Variants in SLC25A3 observed in about 807,000 individuals in gnomAD.
The protein encoded by SLC25A3 is phosphate transport protein.
A neutral mutation model predicts 37.1 loss-of-function variants in SLC25A3; 14 were observed. That is an observed-to-expected ratio of 0.38 (90% CI 0.25 to 0.59). SLC25A3 has a LOEUF of 0.59. Ranked by LOEUF, SLC25A3 falls within the 20% of genes least tolerant of loss-of-function variation. SLC25A3 has a pLI of 0.67. For missense variants in SLC25A3, 385 were observed against 458.1 expected, an observed-to-expected ratio of 0.84 and a Z score of 1.46; for synonymous variants, 161 against 168.7, an observed-to-expected ratio of 0.95 and a Z score of 0.36.
rs1303974154 is a variant in SLC25A3, at chr12:98,598,880, A to G, written c.641+177A>G. ...AAGCTCCGCCTCCCGGGTTCACGCC[A>G]TTCTCCTGCCTCAGCCTCCCAAGTA... On this transcript the variant is annotated intron_variant, in intron 5 of 7. Coordinates refer to ENST00000552981, the MANE Select transcript of SLC25A3 (RefSeq NM_002635.4). 2.0e-5 allele frequency among the ~76,000 whole-genome samples: 3 copies of G among 150,552 alleles called. No individual in the cohort carries two copies. In the Admixed American group the frequency reaches 2.0e-4, roughly 10 times the overall value.
At chr12:98,595,405 C>A in intron 2 of SLC25A3, 1 of 1,610,384 alleles carries the variant, frequency 6.2e-7, no homozygotes, top group Non-Finnish European at 8.5e-7. Flanking sequence ...GAAATACTTA[C>A]TTGATTTTTT....
chr12:98,599,874 T>G (rs771343358), intron 5 of SLC25A3, 81 bp from the exon 6 acceptor site: 3 of 1,456,066 alleles, frequency 2.1e-6, no homozygotes, highest in Non-Finnish European at 1.9e-6. Context: ...TCGACTCGTG[T>G]GCGGACATTT....
chr12:98,601,858 A>G lies in SLC25A3; in HGVS notation c.*330A>G, dbSNP rs2097598195. On this transcript the variant is annotated 3_prime_UTR_variant, in exon 8 of 8. Transcript: ENST00000552981. ...TTCCAGTTGCTATTCAGAAATTGTC[A>G]TATGTCTCAAGTTTTATCACACAAA... 2 of 259,446 alleles carry G rather than the reference A, an allele frequency of 7.7e-6. No individual in the cohort carries two copies. The highest frequency in any genetic ancestry group is 2.0e-4 in the East Asian group (2 of 10,230). The allele number at this position is 259,446 out of a possible 1,614,324, so 16.1% of individuals were successfully genotyped here. A position where few individuals can be genotyped will look rare whatever the true frequency, so the allele number is the denominator to read the frequency against.
At chr12:98,594,171 C>G in intron 2 of SLC25A3, 36 bp downstream of exon 2, 11 of 1,546,752 alleles carry the variant, frequency 7.1e-6, no homozygotes, top group Non-Finnish European at 9.7e-6. Flanking sequence ...GTCGTGTGGT[C>G]TACTTGTGGG....
At chr12:98,594,190 C>T in intron 2 of SLC25A3, 55 bp downstream of exon 2, 1 of 1,421,130 alleles carries the variant, frequency 7.0e-7, no homozygotes, top group South Asian at 1.2e-5. Flanking sequence ...GGCCGCCCAG[C>T]CTTTGAGGCC....
chr12:98,604,496 C>CTTTTTTTT lies in SLC25A3; in HGVS notation c.*2975_*2982dup, dbSNP rs10714083. On this transcript the variant is annotated 3_prime_UTR_variant, in exon 8 of 8. Coordinates refer to ENST00000552981, the MANE Select transcript of SLC25A3 (RefSeq NM_002635.4). ...GTGAAAGTTTTATGAAATGTTTTGA[C>CTTTTTTTT]TTTTTTTTTTTTTTCCCTAGAGAAC... 2.1e-5 allele frequency: 3 copies of CTTTTTTTT among 144,042 alleles called. No homozygotes were observed. The East Asian group carries it at 6.1e-4, about 29-fold the overall frequency. The allele number at this position is 144,042 out of a possible 1,614,324, so 8.9% of individuals were successfully genotyped here.
chr12:98,594,250 T>G, intron 2 of SLC25A3, 115 bp downstream of exon 2: 1 of 896,810 alleles, frequency 1.1e-6, no homozygotes, highest in Non-Finnish European at 1.8e-6. Flanking sequence ...CGCTGCACCG[T>G]AGGACGGCGC....
chr12:98,601,124 GT>G (rs1565832170), intron 6 of SLC25A3, 46 bp from the exon 7 acceptor site: 3 of 1,598,158 alleles, frequency 1.9e-6, no homozygotes, highest in Admixed American at 1.7e-5. Context: ...GCTCTGTGAA[GT>G]TTTGTTTTTA....
At chr12:98,598,365 G>A in intron 4 of SLC25A3, 157 bp from the exon 5 acceptor site, 1 of 1,124,432 alleles carries the variant, frequency 8.9e-7, no homozygotes, top group Non-Finnish European at 1.3e-6. Flanking sequence ...ATAGTTACGT[G>A]TTTTGTTAAT....
chr12:98,601,786 GTT>G lies in SLC25A3; in HGVS notation c.*259_*260del. The stretch of plus-strand genomic sequence containing the variant: ...TAGTTGGAAAGAATGAAGTATATAA[GTT>G]AAGGAAAAAATACAAAACTGACCAT... On this transcript the variant is annotated 3_prime_UTR_variant, in exon 8 of 8. Transcript: ENST00000552981. 2.3e-6 allele frequency: 1 copy of G among 433,304 alleles called. No homozygotes were observed. The highest frequency in any genetic ancestry group is 4.2e-6 in the Non-Finnish European group (1 of 239,368). The allele number at this position is 433,304 out of a possible 1,614,324, so 26.8% of individuals were successfully genotyped here.
Position 98,597,878 on chromosome 12 carries a change from G to C in SLC25A3, c.302G>C (p.Gly101Ala). 6.2e-7 allele frequency: 1 copy of C among 1,613,876 alleles called. No individual in the cohort carries two copies. The highest frequency in any genetic ancestry group is 8.5e-7 in the Non-Finnish European group (1 of 1,179,834). ...RMQVDPQKYKGIFNGFSVTLK... is the reference protein window; with the variant it reads ...RMQVDPQKYKAIFNGFSVTLK... Reference sequence around the variant, plus strand: ...AAGGTGGACCCCCAAAAGTACAAGGGCATATTTAACGGATTCTCAGTTACA... The same window carrying C: ...AAGGTGGACCCCCAAAAGTACAAGGCCATATTTAACGGATTCTCAGTTACA... Residue 101 changes from glycine to alanine, a missense_variant, in exon 4 of 8, where the codon GGC (glycine) becomes GCC (alanine). Gly to Ala is a moderately conservative substitution (Grantham distance 60). This residue lies in a region of SLC25A3 where 276 missense variants were observed against 367.6 expected (regional missense o/e 0.75). Coordinates refer to ENST00000552981, the MANE Select transcript of SLC25A3 (RefSeq NM_002635.4).
chr12:98,601,678 T>A lies in SLC25A3; in HGVS notation c.*150T>A. 1 of 656,306 alleles carries A rather than the reference T, an allele frequency of 1.5e-6. No homozygotes were observed. The highest frequency in any genetic ancestry group is 2.7e-6 in the Non-Finnish European group (1 of 365,848). 40.7% of individuals were successfully genotyped at this position (656,306 alleles called of 1,614,324 possible). On this transcript the variant is annotated 3_prime_UTR_variant, in exon 8 of 8. Transcript: ENST00000552981. ...CTTGCTTAAGGCAAGAGTTTCAGAT[T>A]TACTGTTGAAATAAACCCAACTCTT...
rs2097598933 is a variant in SLC25A3 at position 98,602,852 on chromosome 12, A to C, written c.*1324A>C. On this transcript the variant is annotated 3_prime_UTR_variant, in exon 8 of 8. Transcript: ENST00000552981. ...AGCGTACAGATGGCCTGGAGAGAAAAACTTTTTCAGAGATTGGAGAGAAAT... is the reference window on the plus strand; with the variant it reads ...AGCGTACAGATGGCCTGGAGAGAAACACTTTTTCAGAGATTGGAGAGAAAT... 6.6e-6 allele frequency: 1 copy of C among 152,226 alleles called. No individual in the cohort carries two copies. The highest frequency in any genetic ancestry group is 1.5e-5 in the Non-Finnish European group (1 of 68,056). 9.4% of individuals were successfully genotyped at this position (152,226 alleles called of 1,614,324 possible). A position where few individuals can be genotyped will look rare whatever the true frequency, so the allele number is the denominator to read the frequency against.
intron 3 of SLC25A3, 27 bp from the exon 4 acceptor site, chr12:98,597,829 A>T: frequency 6.5e-7 from 1 of 1,530,954 alleles, no homozygotes; most frequent in Non-Finnish European, 9.0e-7. Flanking sequence ...GGTGCATTTA[A>T]TTTTTTTTTT....
rs2097599230 is a variant in SLC25A3, at chr12:98,603,281, A to G, written c.*1753A>G. On this transcript the variant is annotated 3_prime_UTR_variant, in exon 8 of 8. Transcript: ENST00000552981. ...GATGCTCTTTGTGCTTTTCACTATT[A>G]GTGGTATAGTCTTTCCCGAAAATCT... 1 of 152,186 alleles carries G rather than the reference A, an allele frequency of 6.6e-6. No individual in the cohort carries two copies. Among genetic ancestry groups the G allele is most frequent in the Admixed American group, 6.5e-5 (1 of 15,278 alleles). The allele number at this position is 152,186 out of a possible 1,614,324, so 9.4% of individuals were successfully genotyped here.
Position 98,601,719 on chromosome 12 carries a change from A to G in SLC25A3, c.*191A>G, listed in dbSNP as rs1377406961. The G allele has an allele frequency of 3.4e-6, 2 of 591,448 alleles. No homozygotes were observed. Among genetic ancestry groups the G allele is most frequent in the Non-Finnish European group, 6.0e-6 (2 of 334,318 alleles). 36.6% of individuals were successfully genotyped at this position (591,448 alleles called of 1,614,324 possible). ...CCCAACTCTTCATGATTTGCCTGTGACTTATTTTTAAAACTTTTTTAAAAA... is the reference window on the plus strand; with the variant it reads ...CCCAACTCTTCATGATTTGCCTGTGGCTTATTTTTAAAACTTTTTTAAAAA... On this transcript the variant is annotated 3_prime_UTR_variant, in exon 8 of 8. Transcript: ENST00000552981.
At position 98,605,879 on chromosome 12, in the gene SLC25A3, G is replaced by A. The variant is rs1196662988; in HGVS notation, c.*4351G>A. On this transcript the variant is annotated 3_prime_UTR_variant, in exon 8 of 8. Coordinates refer to ENST00000552981, the MANE Select transcript of SLC25A3 (RefSeq NM_002635.4). Reference sequence around the variant, plus strand: ...CATACCCGTAATCCCAGCACTTTGGGAGGCCCAGGCTGGGTATCACTTGAG... The same window carrying A: ...CATACCCGTAATCCCAGCACTTTGGAAGGCCCAGGCTGGGTATCACTTGAG... 3 of 151,910 alleles carry A rather than the reference G, an allele frequency of 2.0e-5. No individual in the cohort carries two copies. Among genetic ancestry groups the A allele is most frequent in the African/African-American group, 7.3e-5 (3 of 41,320 alleles). The allele number at this position is 151,910 out of a possible 1,614,324, so 9.4% of individuals were successfully genotyped here. A position where few individuals can be genotyped will look rare whatever the true frequency, so the allele number is the denominator to read the frequency against.
chr12:98,600,204 G>A (rs1050449638), intron 6 of SLC25A3, 77 bp downstream of exon 6: 80 of 1,017,190 alleles, frequency 7.9e-5, no homozygotes, highest in Non-Finnish European at 1.1e-4. Context: ...TTTTGAGAGG[G>A]AAAAATACTC....
intron 2 of SLC25A3, chr12:98,595,274 T>C: frequency 1.5e-6 from 1 of 677,176 alleles, no homozygotes; most frequent in South Asian, 1.8e-5. Context: ...TTAAATGATC[T>C]GAATTTGGCA....
Sources: gnomAD v4.1 joint callset for allele counts (sites outside exome capture counted in the v4.1 genomes callset) on GRCh38, gnomAD v4.1.1 for gene constraint, gnomAD v4.1.1 regional missense constraint, MANE v1.5 for transcripts, NCBI Gene and HGNC (gene_info 2026-07-23, HGNC 2026-07-21) for gene names.